Variants in PUDP observed in about 807,000 individuals in gnomAD.
PUDP encodes the protein pseudouridine 5'-phosphatase.
A neutral mutation model predicts 9.4 loss-of-function variants in PUDP; 8 were observed. The observed-to-expected ratio is 0.85, with a 90% CI of 0.50 to 1.53. The LOEUF (loss-of-function observed/expected upper bound fraction) is 1.53. Ranked by LOEUF, PUDP falls within the 40% of genes most tolerant of loss-of-function variation. The probability of loss-of-function intolerance (pLI) is 0.00; values close to 1 mark genes in which losing one functional copy is unlikely to be tolerated. For synonymous variants in PUDP, 99 were observed against 80.7 expected (o/e 1.23, Z -1.22); for missense variants, 188 against 189.7 (o/e 0.99, Z 0.05).
At chrX:7,028,864 G>A (rs1929755128) in intron 1 of PUDP, among the ~76,000 whole-genome samples, 2 of 111,734 alleles carry the variant, frequency 1.8e-5, no homozygotes, top group Non-Finnish European at 3.8e-5. Context: ...TGTGAGCGGG[G>A]CTGGTTCCTC....
At chrX:6,890,747 G>A (rs1927500032) in intron 3 of PUDP, among the ~76,000 whole-genome samples, 1 of 108,716 alleles carries the variant, frequency 9.2e-6, no homozygotes, top group African/African-American at 3.4e-5. Flanking sequence ...TCATAGTGCT[G>A]TTGGCTGTGG....
At chrX:7,090,997 GAGA>G (rs1242555391) in intron 2 of PUDP, among the ~76,000 whole-genome samples, 4 of 112,337 alleles carry the variant, frequency 3.6e-5, no homozygotes, top group Non-Finnish European at 7.5e-5. Flanking sequence ...TGTAACAGAT[GAGA>G]AGGAGATGAC....
chrX:6,775,817 A>G (rs1314744979), intron 3 of PUDP, among the ~76,000 whole-genome samples: 3 of 111,307 alleles, frequency 2.7e-5, no homozygotes, highest in Admixed American at 9.5e-5. Context: ...CACAGCGAGA[A>G]GGCCCCGTCT....
chrX:7,057,339 G>A (rs1206165749), intron 3 of PUDP, among the ~76,000 whole-genome samples: 1 of 110,446 alleles, frequency 9.1e-6, no homozygotes, highest in East Asian at 2.9e-4. Flanking sequence ...GGGGCCAGGC[G>A]GTGTGAGATC....
intron 3 of PUDP, among the ~76,000 whole-genome samples, chrX:6,772,683 C>T (rs1033666759): frequency 8.3e-5 from 9 of 108,214 alleles, no homozygotes; most frequent in African/African-American, 2.4e-4. Context: ...GTATTCCCAG[C>T]GCTTTGGGAG....
chrX:6,828,871 AT>A (rs926587011), intron 3 of PUDP, among the ~76,000 whole-genome samples: 9 of 106,096 alleles, frequency 8.5e-5, no homozygotes, highest in African/African-American at 1.7e-4. Context: ...TTGATAGCTT[AT>A]TTTTTTTTTA....
chrX:6,720,481 A>G (rs1429445148), intron 1 of PUDP, among the ~76,000 whole-genome samples: 1 of 105,633 alleles, frequency 9.5e-6, no homozygotes, highest in Non-Finnish European at 1.9e-5. Context: ...GAGAGTAGAA[A>G]GGTGGTTACG....
rs182766989 is a variant in PUDP, at chrX:6,770,229, G to A, written c.*248-63763C>T. ...GGGGTGGATGCACTGCATTGTGCTGGCCAAATCTGGCCACACACATTCATT... is the reference window on the plus strand; with the variant it reads ...GGGGTGGATGCACTGCATTGTGCTGACCAAATCTGGCCACACACATTCATT... On this transcript the variant is annotated intron_variant and NMD_transcript_variant, in intron 3 of 3. Transcript: ENST00000655425. Among the ~76,000 whole-genome samples, 275 of 112,656 alleles carry A rather than the reference G, an allele frequency of 2.4e-3. 2 individuals carry two copies. The highest frequency in any genetic ancestry group is 8.5e-3 in the African/African-American group (265 of 31,087).
intron 1 of PUDP, among the ~76,000 whole-genome samples, chrX:7,131,675 T>C (rs956886361): frequency 9.2e-6 from 1 of 109,098 alleles, no homozygotes; most frequent in Non-Finnish European, 1.9e-5. Context: ...ATCTGGACAA[T>C]GGCAACAGCC....
intron 3 of PUDP, among the ~76,000 whole-genome samples, chrX:6,874,805 T>C (rs1927228175): frequency 8.9e-6 from 1 of 112,226 alleles, no homozygotes; most frequent in Admixed American, 9.5e-5. Context: ...ACTCAAGCAA[T>C]GTTTCCCTCC....
intron 1 of PUDP, among the ~76,000 whole-genome samples, chrX:7,112,473 A>G (rs1932079859): frequency 8.9e-6 from 1 of 111,933 alleles, no homozygotes; most frequent in African/African-American, 3.3e-5. Context: ...CTCCAAAACT[A>G]ATCTTGATGT....
At chrX:7,027,597 T>TTA (rs1331039519) in intron 1 of PUDP, among the ~76,000 whole-genome samples, 1 of 100,453 alleles carries the variant, frequency 1.0e-5, no homozygotes, top group African/African-American at 3.6e-5. Flanking sequence ...ATAGAGAGAA[T>TTA]TATATATATA....
chrX:6,851,509 A>G (rs1001859833), intron 3 of PUDP, among the ~76,000 whole-genome samples: 2 of 111,330 alleles, frequency 1.8e-5, no homozygotes, highest in Non-Finnish European at 3.8e-5. Flanking sequence ...AGAGAGAGAG[A>G]GAGAAGGGAG....
rs148287947 is a variant in PUDP, at chrX:6,877,609, T to G, written c.*247+99524A>C. Among the ~76,000 whole-genome samples the G allele has an allele frequency of 2.7e-4, 30 of 111,507 alleles. No individual in the cohort carries two copies. In the East Asian group the frequency reaches 8.2e-3, roughly 31 times the overall value. ...AGTCCCAGCAGTCAGCCCATGAGTG[T>G]CATTGATTCAGCCAGTTCAATAAGC... On this transcript the variant is annotated intron_variant and NMD_transcript_variant, in intron 3 of 3. Transcript: ENST00000655425.
intron 1 of PUDP, among the ~76,000 whole-genome samples, chrX:6,990,878 T>G (rs1334540110): frequency 8.9e-6 from 1 of 112,234 alleles, no homozygotes; most frequent in Admixed American, 9.4e-5. Context: ...ATAAAGAATG[T>G]CAGAATATAA....
intron 3 of PUDP, among the ~76,000 whole-genome samples, chrX:6,892,461 C>A (rs781732151): frequency 3.2e-4 from 36 of 111,286 alleles, no homozygotes; most frequent in Non-Finnish European, 7.5e-5. Context: ...TGGCAGCAGA[C>A]AGGAGAGGAC....
chrX:6,856,029 C>A (rs1435759584), intron 3 of PUDP, among the ~76,000 whole-genome samples: 4 of 111,547 alleles, frequency 3.6e-5, no homozygotes, highest in African/African-American at 1.3e-4. Context: ...AGGGGACTTG[C>A]AGACATTAAC....
intron 3 of PUDP, among the ~76,000 whole-genome samples, chrX:6,777,695 G>C (rs1925488180): frequency 9.0e-6 from 1 of 111,723 alleles, no homozygotes; most frequent in South Asian, 3.8e-4. Flanking sequence ...TTGGGGAAGA[G>C]GCAATAGAGA....
chrX:6,761,717 C>T (rs182688028), intron 3 of PUDP, among the ~76,000 whole-genome samples: 8 of 112,130 alleles, frequency 7.1e-5, no homozygotes, highest in African/African-American at 2.6e-4. Flanking sequence ...AAGCAAGCCA[C>T]CCAGCACAGC....
Sources: gnomAD v4.1 joint callset for allele counts (sites outside exome capture counted in the v4.1 genomes callset) on GRCh38, gnomAD v4.1.1 for gene constraint, MANE v1.5 for transcripts, NCBI Gene and HGNC (gene_info 2026-07-23, HGNC 2026-07-21) for gene names.